The following CAMKMT variants were observed in gnomAD, a reference collection of about 807,000 sequenced individuals.
CAMKMT encodes CaM KMT.
In CAMKMT, 53 loss-of-function variants were observed where a neutral mutation model predicts 48.0. The observed-to-expected ratio is 1.10, with a 90% CI of 0.89 to 1.39. CAMKMT has a LOEUF of 1.39. CAMKMT is among the 40% of genes most tolerant of loss of function. The pLI is 0.00. For missense variants in CAMKMT, 428 were observed against 402.7 expected, an observed-to-expected ratio of 1.06 and a Z score of -0.54; for synonymous variants, 165 against 152.3, an observed-to-expected ratio of 1.08 and a Z score of -0.61.
chr2:44,431,869 G>GT (rs1558609250), intron 3 of CAMKMT, among the ~76,000 whole-genome samples: 1 of 152,170 alleles, frequency 6.6e-6, no homozygotes, highest in Non-Finnish European at 1.5e-5. Flanking sequence ...TAGCTCAATT[G>GT]TAAGTGTTCA....
intron 2 of CAMKMT, among the ~76,000 whole-genome samples, chr2:44,377,699 C>G (rs1435298684): frequency 6.6e-6 from 1 of 152,014 alleles, no homozygotes. Context: ...ATGGTAATTG[C>G]TGAATTAGAA....
intron 3 of CAMKMT, among the ~76,000 whole-genome samples, chr2:44,473,166 G>A (rs1267757776): frequency 6.6e-6 from 1 of 152,140 alleles, no homozygotes; most frequent in African/African-American, 2.4e-5. Context: ...CTACTAAAAA[G>A]AAAATCAGAG....
intron 3 of CAMKMT, among the ~76,000 whole-genome samples, chr2:44,555,222 G>A (rs528231376): frequency 3.9e-5 from 6 of 152,294 alleles, no homozygotes; most frequent in Admixed American, 6.5e-5. Context: ...TTGGAGTAGG[G>A]AAACCAGTCA....
intron 3 of CAMKMT, among the ~76,000 whole-genome samples, chr2:44,668,026 G>A (rs183118878): frequency 3.0e-4 from 45 of 152,292 alleles, no homozygotes; most frequent in African/African-American, 1.0e-3. Flanking sequence ...GCTGACTGTG[G>A]CAATCAACCA....
At chr2:44,630,127 G>A (rs1672731089) in intron 3 of CAMKMT, among the ~76,000 whole-genome samples, 2 of 152,002 alleles carry the variant, frequency 1.3e-5, no homozygotes, top group South Asian at 4.2e-4. Flanking sequence ...ACAAACCTGA[G>A]AAAAATAAGC....
At chr2:44,405,186 A>G (rs1682696193) in intron 3 of CAMKMT, among the ~76,000 whole-genome samples, 1 of 152,124 alleles carries the variant, frequency 6.6e-6, no homozygotes, top group African/African-American at 2.4e-5. Context: ...TGACCCAATA[A>G]TCCCACTTTT....
At chr2:44,435,176 C>A (rs1455589089) in intron 3 of CAMKMT, among the ~76,000 whole-genome samples, 2 of 152,024 alleles carry the variant, frequency 1.3e-5, no homozygotes, top group East Asian at 3.9e-4. Context: ...TTATAAAAAC[C>A]ACTAGTATTT....
chr2:44,623,125 C>T (rs1052147021), intron 3 of CAMKMT, among the ~76,000 whole-genome samples: 1 of 152,116 alleles, frequency 6.6e-6, no homozygotes, highest in African/African-American at 2.4e-5. Flanking sequence ...ATTTGTATGT[C>T]TTCTTTTGAG....
chr2:44,380,579 T>C (rs144004778), intron 2 of CAMKMT, among the ~76,000 whole-genome samples: 2 of 152,100 alleles, frequency 1.3e-5, no homozygotes, highest in East Asian at 3.9e-4. Context: ...GTCCTTAAGT[T>C]TGGAACAAAT....
chr2:44,536,215 A>G (rs985516748), intron 3 of CAMKMT, among the ~76,000 whole-genome samples: 1 of 152,196 alleles, frequency 6.6e-6, no homozygotes, highest in Non-Finnish European at 1.5e-5. Flanking sequence ...ACAGAACACA[A>G]ACAAATGGAA....
At chr2:44,771,888 A>T (rs1405003409) in intron 10 of CAMKMT, 148 bp from the exon 11 acceptor site, 1 of 593,368 alleles carries the variant, frequency 1.7e-6, no homozygotes, top group Non-Finnish European at 3.0e-6. Context: ...TGCCACTGAG[A>T]ACTACTTTGA....
intron 3 of CAMKMT, among the ~76,000 whole-genome samples, chr2:44,450,548 T>C (rs569171225): frequency 1.8e-4 from 27 of 152,274 alleles, no homozygotes; most frequent in Non-Finnish European, 3.4e-4. Flanking sequence ...AAGAGAATCT[T>C]GTATACACTA....
chr2:44,477,594 A>G (rs974673860), intron 3 of CAMKMT, among the ~76,000 whole-genome samples: 1 of 152,234 alleles, frequency 6.6e-6, no homozygotes, highest in Admixed American at 6.5e-5. Flanking sequence ...CCAGTTATCT[A>G]GAATTATAAG....
chr2:44,752,110 G>A lies in CAMKMT; in HGVS notation c.699-1945G>A, dbSNP rs564873239. ...CATCCGAACAGTATCACTGCTTTTC[G>A]GTGCTGTATATACAATTTGGGCCCC... is the stretch of plus-strand genomic sequence containing the variant. On this transcript the variant is annotated intron_variant, in intron 8 of 10. Coordinates refer to ENST00000378494, the MANE Select transcript of CAMKMT (RefSeq NM_024766.5). Among the ~76,000 whole-genome samples the A allele has an allele frequency of 3.9e-5, 6 of 152,032 alleles. No homozygotes were observed. The South Asian group carries it at 1.0e-3, about 26-fold the overall frequency.
chr2:44,683,359 T>G (rs1393971639), intron 3 of CAMKMT, among the ~76,000 whole-genome samples: 2 of 152,186 alleles, frequency 1.3e-5, no homozygotes, highest in Non-Finnish European at 2.9e-5. Context: ...TTTCCCACAC[T>G]ATAGTTAAAG....
At chr2:44,507,647 C>T (rs1670329508) in intron 3 of CAMKMT, among the ~76,000 whole-genome samples, 2 of 152,080 alleles carry the variant, frequency 1.3e-5, no homozygotes, top group Non-Finnish European at 2.9e-5. Context: ...TGTTTATAAG[C>T]ACTCTACATG....
At chr2:44,534,390 A>T (rs1666653242) in intron 3 of CAMKMT, among the ~76,000 whole-genome samples, 1 of 152,220 alleles carries the variant, frequency 6.6e-6, no homozygotes, top group Admixed American at 6.5e-5. Flanking sequence ...AATGGGCTTT[A>T]TAGACATTTA....
intron 7 of CAMKMT, among the ~76,000 whole-genome samples, chr2:44,719,612 T>C (rs900880931): frequency 2.6e-5 from 4 of 152,190 alleles, no homozygotes; most frequent in Non-Finnish European, 5.9e-5. Context: ...AAATTGGTAT[T>C]TAGAGAACAT....
chr2:44,404,792 G>A (rs191469054), intron 3 of CAMKMT, among the ~76,000 whole-genome samples: 26 of 151,804 alleles, frequency 1.7e-4, no homozygotes, highest in Non-Finnish European at 2.8e-4. Context: ...TTTTTCTACT[G>A]TCTTAGATGC....
Sources: gnomAD v4.1 joint callset for allele counts (sites outside exome capture counted in the v4.1 genomes callset) on GRCh38, gnomAD v4.1.1 for gene constraint, MANE v1.5 for transcripts, NCBI Gene and HGNC (gene_info 2026-07-23, HGNC 2026-07-21) for gene names.